The following NCS1 variants were observed in gnomAD, a reference collection of about 807,000 sequenced individuals.
NCS1 encodes the protein neuronal calcium sensor 1.
In NCS1, 6 loss-of-function variants were observed where a neutral mutation model predicts 28.4. The ratio of observed to expected loss-of-function variants is 0.21; its 90% CI spans 0.12 to 0.42. The LOEUF is 0.42. NCS1 is among the 10% of genes least tolerant of loss of function. The pLI is 1.00. For synonymous variants in NCS1, 86 were observed against 99.3 expected, an observed-to-expected ratio of 0.87 and a Z score of 0.79; for missense variants, 131 against 241.4, an observed-to-expected ratio of 0.54 and a Z score of 3.03.
At chr9:130,190,699 G>A (rs1161781563) in intron 1 of NCS1, among the ~76,000 whole-genome samples, 1 of 152,204 alleles carries the variant, frequency 6.6e-6, no homozygotes, top group Non-Finnish European at 1.5e-5. Context: ...TCATCCTTGG[G>A]GATGATATCT....
At position 130,219,622 on chromosome 9, in the gene NCS1, C is replaced by T. The variant is rs1833245741; in HGVS notation, c.229-103C>T. The T allele has an allele frequency of 1.9e-6, 2 of 1,047,154 alleles. No homozygotes were observed. Among genetic ancestry groups the T allele is most frequent in the African/African-American group, 1.6e-5 (1 of 63,816 alleles). The allele number at this position is 1,047,154 out of a possible 1,614,324, so 64.9% of individuals were successfully genotyped here. A position where few individuals can be genotyped will look rare whatever the true frequency, so the allele number is the denominator to read the frequency against. On this transcript the variant is annotated intron_variant, in intron 3 of 7. Coordinates refer to ENST00000372398, the MANE Select transcript of NCS1 (RefSeq NM_014286.4). This position sits in a 1 kb window ranked among gnomAD's most constrained non-coding sequence, Gnocchi z 5.7. ...TCTCCACCTGAGTGTCCATTGGCCACAGTGTCTGGAGCCTGCGACTGCCCC... is the reference window on the plus strand; with the variant it reads ...TCTCCACCTGAGTGTCCATTGGCCATAGTGTCTGGAGCCTGCGACTGCCCC...
intron 1 of NCS1, chr9:130,200,592 G>A: frequency 6.4e-7 from 1 of 1,551,770 alleles, no homozygotes; most frequent in Non-Finnish European, 8.7e-7. Context: ...CCGTCCCCAG[G>A]GATTGAGAGA....
Position 130,186,980 on chromosome 9 carries a change from T to C in NCS1, c.65-13978T>C, listed in dbSNP as rs1554905692. Reference sequence around the variant, plus strand: ...CGGAAGTCCCTTGGCCTCTCCAAGCTTCGGTTTCCTGGTTGTGGAGTGGGG... The same window carrying C: ...CGGAAGTCCCTTGGCCTCTCCAAGCCTCGGTTTCCTGGTTGTGGAGTGGGG... On this transcript the variant is annotated intron_variant, in intron 1 of 7. Coordinates refer to ENST00000372398, the MANE Select transcript of NCS1 (RefSeq NM_014286.4). This position sits in a 1 kb window ranked among gnomAD's most constrained non-coding sequence, Gnocchi z 4.1. Among the ~76,000 whole-genome samples the C allele has an allele frequency of 6.6e-6, 1 of 152,188 alleles. No homozygotes were observed. The highest frequency in any genetic ancestry group is 6.5e-5 in the Admixed American group (1 of 15,282).
chr9:130,188,999 G>A (rs995892125), intron 1 of NCS1, among the ~76,000 whole-genome samples: 30 of 152,370 alleles, frequency 2.0e-4, no homozygotes, highest in African/African-American at 6.3e-4. Context: ...TTACAGGCAT[G>A]AGCCACTGGG....
chr9:130,188,222 T>G (rs1467118381), intron 1 of NCS1, among the ~76,000 whole-genome samples: 1 of 152,232 alleles, frequency 6.6e-6, no homozygotes, highest in African/African-American at 2.4e-5. Context: ...TGTTCTAGTG[T>G]GATGTGGCTT....
In NCS1 at chr9:130,191,101, G is replaced by C. The variant is rs1357729341; in HGVS notation, c.65-9857G>C. ...CCACCATGTGCTGGGCTCAGTGCTT[G>C]TGATGTGTATCCTCTCGTTGGCCCC... On this transcript the variant is annotated intron_variant, in intron 1 of 7. Coordinates refer to ENST00000372398, the MANE Select transcript of NCS1 (RefSeq NM_014286.4). The surrounding 1 kb of genome is among the most constrained non-coding windows in gnomAD (Gnocchi z 6.4). Among the ~76,000 whole-genome samples the C allele has an allele frequency of 6.6e-6, 1 of 152,194 alleles. No homozygotes were observed. The highest frequency in any genetic ancestry group is 2.4e-5 in the African/African-American group (1 of 41,454).
intron 1 of NCS1, among the ~76,000 whole-genome samples, chr9:130,199,652 C>T (rs2131134020): frequency 6.6e-6 from 1 of 152,338 alleles, no homozygotes; most frequent in Admixed American, 6.5e-5. Context: ...GTCATAAGAG[C>T]CGTTGAGCTA....
rs1554909861 is a variant in NCS1, at chr9:130,219,270, G to A, written c.229-455G>A. ...GGAGTCACATGCCTGACCCTGGGAAGGGCTCTTCCCTTCTTGGGCCTCGGT... is the reference window on the plus strand; with the variant it reads ...GGAGTCACATGCCTGACCCTGGGAAAGGCTCTTCCCTTCTTGGGCCTCGGT... On this transcript the variant is annotated intron_variant, in intron 3 of 7. Transcript: ENST00000372398. The surrounding 1 kb of genome is among the most constrained non-coding windows in gnomAD (Gnocchi z 5.7). Among the ~76,000 whole-genome samples, 2 of 152,082 alleles carry A rather than the reference G, an allele frequency of 1.3e-5. No individual in the cohort carries two copies. The highest frequency in any genetic ancestry group is 1.3e-4 in the Admixed American group (2 of 15,270).
chr9:130,188,459 G>T (rs868980312), intron 1 of NCS1, among the ~76,000 whole-genome samples: 57 of 119,970 alleles, frequency 4.8e-4, no homozygotes, highest in African/African-American at 1.7e-3. Flanking sequence ...TTTCGCTCTT[G>T]TTGCCCAGGC....
At chr9:130,207,292 C>T (rs1833036614) in intron 2 of NCS1, among the ~76,000 whole-genome samples, 1 of 152,228 alleles carries the variant, frequency 6.6e-6, no homozygotes, top group Admixed American at 6.5e-5. Context: ...GAATAAAGCC[C>T]TAGCACCTTG....
At chr9:130,200,488 C>A in intron 1 of NCS1, 1 of 1,345,554 alleles carries the variant, frequency 7.4e-7, no homozygotes, top group Non-Finnish European at 1.0e-6. Context: ...CACCCTTCTG[C>A]TGAGAGCTGC....
intron 2 of NCS1, among the ~76,000 whole-genome samples, chr9:130,202,469 G>A (rs928953137): frequency 1.3e-5 from 2 of 151,654 alleles, no homozygotes; most frequent in South Asian, 2.1e-4. Context: ...GCATCCTGTC[G>A]GCACTCTGAG....
chr9:130,189,566 C>G (rs1832786523), intron 1 of NCS1, among the ~76,000 whole-genome samples: 1 of 151,974 alleles, frequency 6.6e-6, no homozygotes, highest in South Asian at 2.1e-4. Flanking sequence ...TCTTGGCCAG[C>G]CACGGTGGCT....
intron 1 of NCS1, chr9:130,200,704 G>A: frequency 6.6e-7 from 1 of 1,522,756 alleles, no homozygotes; most frequent in Non-Finnish European, 8.9e-7. Flanking sequence ...CCCAGCAGCG[G>A]CAGTGGCAGT....
chr9:130,218,055 C>G, intron 3 of NCS1, 85 bp downstream of exon 3: 2 of 1,553,142 alleles, frequency 1.3e-6, no homozygotes, highest in Non-Finnish European at 8.8e-7. Flanking sequence ...TCTCTCCTGC[C>G]GATGTTCCCT....
intron 7 of NCS1, among the ~76,000 whole-genome samples, chr9:130,228,363 T>G (rs984435014): frequency 2.0e-5 from 3 of 148,868 alleles, no homozygotes; most frequent in Non-Finnish European, 4.4e-5. Context: ...AAAAAAAGTG[T>G]TTTTTTTGTT....
rs1833167056 is a variant in NCS1 at position 130,215,355 on chromosome 9, G to T, written c.90-2477G>T. 1.3e-5 allele frequency among the ~76,000 whole-genome samples: 2 copies of T among 152,180 alleles called. 1 individual carries two copies. Among genetic ancestry groups the T allele is most frequent in the Non-Finnish European group, 2.9e-5 (2 of 68,024 alleles). On this transcript the variant is annotated intron_variant, in intron 2 of 7. Transcript: ENST00000372398. This position sits in a 1 kb window ranked among gnomAD's most constrained non-coding sequence, Gnocchi z 4.2. ...GTCCCTTCCTCCTGCTGTGGGAAGGGACTTGAGATCCGTGTGCTTTGCTTC... is the reference window on the plus strand; with the variant it reads ...GTCCCTTCCTCCTGCTGTGGGAAGGTACTTGAGATCCGTGTGCTTTGCTTC...
At chr9:130,195,584 C>T (rs903343535) in intron 1 of NCS1, among the ~76,000 whole-genome samples, 2 of 152,158 alleles carry the variant, frequency 1.3e-5, no homozygotes, top group African/African-American at 2.4e-5. Flanking sequence ...CCACCACACC[C>T]GGCTAATTTT....
Position 130,232,328 on chromosome 9 carries a change from G to A in NCS1, c.*18-662G>A, listed in dbSNP as rs1449168018. Reference sequence around the variant, plus strand: ...CATGTGTTTATCGACTGTTCTATGTGTTGTTTTTAATGGTTTGTAAACTGT... The same window carrying A: ...CATGTGTTTATCGACTGTTCTATGTATTGTTTTTAATGGTTTGTAAACTGT... On this transcript the variant is annotated intron_variant, in intron 7 of 7. Coordinates refer to ENST00000372398, the MANE Select transcript of NCS1 (RefSeq NM_014286.4). The surrounding 1 kb of genome is among the most constrained non-coding windows in gnomAD (Gnocchi z 4.4). Among the ~76,000 whole-genome samples, 1 of 152,156 alleles carries A rather than the reference G, an allele frequency of 6.6e-6. No individual in the cohort carries two copies. The highest frequency in any genetic ancestry group is 2.1e-4 in the South Asian group (1 of 4,828).
Sources: gnomAD v4.1 joint callset for allele counts (sites outside exome capture counted in the v4.1 genomes callset) on GRCh38, gnomAD v4.1.1 for gene constraint, Gnocchi (gnomAD v3.1) non-coding constraint, MANE v1.5 for transcripts, NCBI Gene and HGNC (gene_info 2026-07-23, HGNC 2026-07-21) for gene names.